ESYT1: variants seen among roughly 807,000 people sequenced by gnomAD.
ESYT1 encodes extended synaptotagmin-1.
Under a neutral mutation model 154.2 loss-of-function variants are expected in ESYT1, and 116 were observed. That is an observed-to-expected ratio of 0.75 (90% CI 0.65 to 0.88). The LOEUF (loss-of-function observed/expected upper bound fraction) is 0.88. Ranked by LOEUF, ESYT1 falls within the 40% of genes least tolerant of loss-of-function variation. ESYT1 has a pLI of 0.00. For missense variants in ESYT1, 1,264 were observed against 1,379.3 expected, an observed-to-expected ratio of 0.92 and a Z score of 1.32; for synonymous variants, 500 against 539.9, an observed-to-expected ratio of 0.93 and a Z score of 1.02.
Position 56,143,848 on chromosome 12 carries a change from A to T in ESYT1, c.3301A>T (p.Lys1101Ter). 6.2e-7 allele frequency: 1 copy of T among 1,613,972 alleles called. No homozygotes were observed. The change falls in exon 31 of 31, where the codon AAG becomes TAG. Residue 1101 changes from lysine to a stop codon, truncating the protein, a stop_gained. Coordinates refer to ENST00000394048, the MANE Select transcript of ESYT1 (RefSeq NM_015292.3). LOFTEE classifies it high-confidence loss of function. ...RWYDLMDNKD[K>*]GSS ...GTATGACCTGATGGACAACAAGGACAAGGGCAGCTCCTAGGAGCTGGCGAG... is the reference window on the plus strand; with the variant it reads ...GTATGACCTGATGGACAACAAGGACTAGGGCAGCTCCTAGGAGCTGGCGAG...
Position 56,132,300 on chromosome 12 carries a change from G to A in ESYT1, c.952G>A (p.Asp318Asn), listed in dbSNP as rs1870268612. 6.2e-7 allele frequency: 1 copy of A among 1,613,974 alleles called. No homozygotes were observed. The highest frequency in any genetic ancestry group is 1.3e-5 in the African/African-American group (1 of 74,874). The change falls in exon 8 of 31, where the codon GAT becomes AAT. Residue 318 changes from aspartate to asparagine, a missense_variant. Physicochemically the swap from Asp to Asn is conservative, Grantham distance 23. Coordinates refer to ENST00000394048, the MANE Select transcript of ESYT1 (RefSeq NM_015292.3). ...GGTGCCCCTTGTGCCTGACCTTCAA[G>A]ATGTGGCTCAGTTGCGTTCCCCTCT... ...LLVPLVPDLQ[D>N]VAQLRSPLPR...
chr12:56,137,254 A>G lies in ESYT1; in HGVS notation c.1819A>G (p.Thr607Ala). ...YLDSSEICFP[T>A]VPGCPGAWDV... ...GGATTCATCAGAAATATGCTTCCCC[A>G]CGGTGCCTGGTTGTCCTGGTGCTTG... Residue 607 changes from threonine (T) to alanine (A), a missense_variant, in exon 17 of 31, where the codon ACG becomes GCG. Coordinates refer to ENST00000394048, the MANE Select transcript of ESYT1 (RefSeq NM_015292.3). 6.2e-7 allele frequency: 1 copy of G among 1,614,104 alleles called. No homozygotes were observed. Among genetic ancestry groups the G allele is most frequent in the Non-Finnish European group, 8.5e-7 (1 of 1,180,010 alleles).
In ESYT1 at chr12:56,132,741, G is replaced by A. The variant is rs1304066425; in HGVS notation, c.1184G>A (p.Gly395Glu). 1 of 1,614,162 alleles carries A rather than the reference G, an allele frequency of 6.2e-7. No homozygotes were observed. The highest frequency in any genetic ancestry group is 1.7e-5 in the Admixed American group (1 of 60,018). Residue 395 changes from glycine to glutamate, a missense_variant, in exon 10 of 31, where the codon GGG (glycine) becomes GAG (glutamate). Transcript: ENST00000394048. ...CAGGTGATGGTACACGAGGTCCCAG[G>A]GCAGGAGATTGAAGTGGAGGTGTTC... ...TYEVMVHEVP[G>E]QEIEVEVFDK...
At chr12:56,131,891 G>T (rs1338317065) in intron 7 of ESYT1, 87 bp downstream of exon 7, 2 of 1,354,406 alleles carry the variant, frequency 1.5e-6, no homozygotes, top group Non-Finnish European at 2.1e-6. Context: ...GATGCTGCTT[G>T]TGTCCTCTAG....
At chr12:56,136,608 AAAG>A in intron 15 of ESYT1, 133 bp from the exon 16 acceptor site, 6 of 686,880 alleles carry the variant, frequency 8.7e-6, no homozygotes, top group Non-Finnish European at 8.3e-6. Context: ...AAAAAAAAAA[AAAG>A]ATGGCCCTGA....
Position 56,132,414 on chromosome 12 carries a change from C to T in ESYT1, c.985-7C>T, listed in dbSNP as rs762347383. 3 of 1,614,116 alleles carry T rather than the reference C, an allele frequency of 1.9e-6. No homozygotes were observed. Among genetic ancestry groups the T allele is most frequent in the Non-Finnish European group, 1.7e-6 (2 of 1,179,998 alleles). ...TTAGTTTCTCACCATCTGATTCCTT[C>T]CTCCAGGGCATTATTCGAATTCACC... On this transcript the variant is annotated splice_region_variant and splice_polypyrimidine_tract_variant and intron_variant, in intron 8 of 30. Coordinates refer to ENST00000394048, the MANE Select transcript of ESYT1 (RefSeq NM_015292.3).
chr12:56,133,359 CT>C (rs1426942177), intron 10 of ESYT1, 57 bp from the exon 11 acceptor site: 2 of 1,601,346 alleles, frequency 1.2e-6, no homozygotes. Flanking sequence ...TGACATGCTG[CT>C]AATTACAACA....
chr12:56,134,309 T>C (rs958248107), intron 14 of ESYT1, 33 bp from the exon 15 acceptor site: 12 of 1,606,168 alleles, frequency 7.5e-6, no homozygotes, highest in Non-Finnish European at 1.0e-5. Flanking sequence ...GGTGCTGTGG[T>C]ATACACCCTT....
intron 1 of ESYT1, chr12:56,128,942 A>G (rs1471605028): frequency 1.8e-5 from 10 of 566,148 alleles, no homozygotes; most frequent in Non-Finnish European, 3.1e-5. Context: ...CCACAGAATC[A>G]GGACTTCTTC....
chr12:56,140,551 A>G (rs542196598), intron 24 of ESYT1, among the ~76,000 whole-genome samples: 67 of 151,902 alleles, frequency 4.4e-4, no homozygotes, highest in Non-Finnish European at 8.5e-4. Flanking sequence ...TTTAAGAGAG[A>G]CGGGGTTTCA....
At chr12:56,137,706 C>A in intron 18 of ESYT1, 31 bp downstream of exon 18, 1 of 1,610,352 alleles carries the variant, frequency 6.2e-7, no homozygotes, top group South Asian at 1.1e-5. Context: ...ACTCCTGGTT[C>A]TGCCCCATTT....
chr12:56,130,023 C>T (rs1423939581), intron 1 of ESYT1, among the ~76,000 whole-genome samples: 1 of 152,090 alleles, frequency 6.6e-6, no homozygotes, highest in East Asian at 1.9e-4. Context: ...AAGCGATTCT[C>T]CTGCCTCAGC....
intron 24 of ESYT1, among the ~76,000 whole-genome samples, chr12:56,140,514 C>A (rs1386545888): frequency 1.3e-5 from 2 of 152,084 alleles, no homozygotes. Context: ...TAGGTGCCCG[C>A]CACCACGCCC....
At chr12:56,140,660 G>C (rs1870653312) in intron 24 of ESYT1, among the ~76,000 whole-genome samples, 1 of 152,056 alleles carries the variant, frequency 6.6e-6, no homozygotes, top group Admixed American at 6.6e-5. Context: ...ACCACACCCA[G>C]TCAGGGAAGC....
chr12:56,132,193 C>A lies in ESYT1; in HGVS notation c.861-16C>A, dbSNP rs1341285003. 1 of 1,614,006 alleles carries A rather than the reference C, an allele frequency of 6.2e-7. No homozygotes were observed. Among genetic ancestry groups the A allele is most frequent in the African/African-American group, 1.3e-5 (1 of 74,898 alleles). On this transcript the variant is annotated splice_polypyrimidine_tract_variant and intron_variant, in intron 7 of 30. Coordinates refer to ENST00000394048, the MANE Select transcript of ESYT1 (RefSeq NM_015292.3). ...AAGTTGAGGCCATACCCACTCCTTT[C>A]TACTCCCCCATTCAGCTCACTCTCT...
In ESYT1 at chr12:56,132,307, C is replaced by G. The variant is rs755196272; in HGVS notation, c.959C>G (p.Ala320Gly). The change falls in exon 8 of 31, where the codon GCT (alanine) becomes GGT (glycine). Residue 320 changes from alanine (A) to glycine (G), a missense_variant. Transcript: ENST00000394048. ...VPLVPDLQDV[A>G]QLRSPLPRGI... is the part of the protein sequence containing the mutation. ...CTTGTGCCTGACCTTCAAGATGTGG[C>G]TCAGTTGCGTTCCCCTCTGCCCAGG... The G allele has an allele frequency of 6.2e-7, 1 of 1,614,110 alleles. No individual in the cohort carries two copies. The highest frequency in any genetic ancestry group is 8.5e-7 in the Non-Finnish European group (1 of 1,180,040).
chr12:56,132,115 C>T, intron 7 of ESYT1, 94 bp from the exon 8 acceptor site: 1 of 1,583,398 alleles, frequency 6.3e-7, no homozygotes. Context: ...TTTCTTACAG[C>T]TTTAGGTCTC....
In ESYT1 at chr12:56,133,864, G is replaced by C; in HGVS notation, c.1464G>C (p.Gln488His). 2 of 1,614,088 alleles carry C rather than the reference G, an allele frequency of 1.2e-6. No individual in the cohort carries two copies. The highest frequency in any genetic ancestry group is 1.7e-6 in the Non-Finnish European group (2 of 1,180,028). Residue 488 changes from glutamine to histidine, a missense_variant, in exon 13 of 31, where the codon CAG becomes CAC. Coordinates refer to ENST00000394048, the MANE Select transcript of ESYT1 (RefSeq NM_015292.3). ...TAGTTGTCTACCTGGATCGGGCCCA[G>C]GATCTTCCTGTGAGTTTGGCTGGGT... The part of the protein sequence containing the change: ...AILVVYLDRA[Q>H]DLPLKKGNKE...
intron 24 of ESYT1, among the ~76,000 whole-genome samples, chr12:56,141,532 A>C (rs1870687447): frequency 6.6e-6 from 1 of 152,122 alleles, no homozygotes; most frequent in Non-Finnish European, 1.5e-5. Flanking sequence ...CAAGGTCAGG[A>C]GATCGAGACC....
Sources: gnomAD v4.1 joint callset for allele counts (sites outside exome capture counted in the v4.1 genomes callset) on GRCh38, gnomAD v4.1.1 for gene constraint, MANE v1.5 for transcripts, NCBI Gene and HGNC (gene_info 2026-07-23, HGNC 2026-07-21) for gene names.